The following RPTOR variants were observed in gnomAD, a reference collection of about 807,000 sequenced individuals.
The protein encoded by RPTOR is regulatory associated protein of MTOR complex 1.
Under a neutral mutation model 169.9 loss-of-function variants are expected in RPTOR, and 21 were observed. That is an observed-to-expected ratio of 0.12 (90% CI 0.09 to 0.18). RPTOR has a LOEUF of 0.18. Among genes scored for constraint, RPTOR ranks in the 10% least tolerant of loss-of-function variants. The pLI, the probability that RPTOR is intolerant of heterozygous loss-of-function variation, is 1.00. For synonymous variants in RPTOR, 732 were observed against 753.2 expected (o/e 0.97, Z 0.46); for missense variants, 1,133 against 1,855.9 (o/e 0.61, Z 7.16).
rs376798611 is a variant in RPTOR at position 80,825,166 on chromosome 17, C to A, written c.1136+1943C>A. Reference sequence around the variant, plus strand: ...ACGTGGCGAGGCCAGTATGGGGCAGCCACATCCCACCTCTCCATCTAGAGG... The same window carrying A: ...ACGTGGCGAGGCCAGTATGGGGCAGACACATCCCACCTCTCCATCTAGAGG... On this transcript the variant is annotated intron_variant, in intron 9 of 33. Coordinates refer to ENST00000306801, the MANE Select transcript of RPTOR (RefSeq NM_020761.3). 7.4e-5 allele frequency among the ~76,000 whole-genome samples: 11 copies of A among 149,220 alleles called. 1 individual carries two copies. Among genetic ancestry groups the A allele is most frequent in the East Asian group, 6.0e-4 (3 of 5,040 alleles).
chr17:80,720,594 A>T (rs1216343371), intron 4 of RPTOR, among the ~76,000 whole-genome samples: 1 of 152,210 alleles, frequency 6.6e-6, no homozygotes, highest in Non-Finnish European at 1.5e-5. Flanking sequence ...GAGAGCTTAA[A>T]CTTTAACAAA....
rs748851118 is a variant in RPTOR, at chr17:80,891,726, G to A, written c.1990G>A (p.Val664Met). Residue 664 changes from valine to methionine, a missense_variant, in exon 18 of 34, where the codon GTG becomes ATG. Physicochemically the swap from Val to Met is conservative, Grantham distance 21 (BLOSUM62 1). Around this residue, in one of 9 missense-constraint regions of RPTOR, gnomAD observed 150 missense variants for 206.4 expected, o/e 0.73. Transcript: ENST00000306801. The stretch of plus-strand genomic sequence containing the variant: ...CCCTTCTCCCTCTCGGCAGGAGCTG[G>A]TGGTGGCTCTGAGTCATCTTGTGGT... ...DGSPMVRKELVVALSHLVVQY... is the reference protein window; with the variant it reads ...DGSPMVRKELMVALSHLVVQY... 6.2e-6 allele frequency: 10 copies of A among 1,611,418 alleles called. No individual in the cohort carries two copies. The highest frequency in any genetic ancestry group is 4.4e-5 in the South Asian group (4 of 91,000).
intron 13 of RPTOR, among the ~76,000 whole-genome samples, chr17:80,879,354 C>T (rs1324138385): frequency 6.6e-6 from 1 of 150,580 alleles, no homozygotes; most frequent in East Asian, 2.0e-4. Context: ...GCCACCTGCC[C>T]CCGCCTGCCC....
At chr17:80,851,981 T>C (rs144453487) in intron 11 of RPTOR, among the ~76,000 whole-genome samples, 58 of 152,364 alleles carry the variant, frequency 3.8e-4, no homozygotes, top group African/African-American at 1.2e-3. Flanking sequence ...TTTCTGACGA[T>C]TGCAGCCATG....
intron 9 of RPTOR, among the ~76,000 whole-genome samples, chr17:80,837,467 C>T (rs532551739): frequency 6.6e-6 from 1 of 152,234 alleles, no homozygotes; most frequent in Non-Finnish European, 1.5e-5. Context: ...TGATGAGGCA[C>T]TTTGGGCCTG....
chr17:80,964,040 C>G (rs1349641015), intron 33 of RPTOR, among the ~76,000 whole-genome samples: 1 of 152,196 alleles, frequency 6.6e-6, no homozygotes, highest in Non-Finnish European at 1.5e-5. Context: ...AAAAACCACG[C>G]AGGGCCCGGG....
intron 5 of RPTOR, among the ~76,000 whole-genome samples, chr17:80,742,965 T>A (rs2066499656): frequency 6.6e-6 from 1 of 152,136 alleles, no homozygotes; most frequent in African/African-American, 2.4e-5. Flanking sequence ...CACACAGCTT[T>A]TGGTGCCATG....
At position 80,960,698 on chromosome 17, in the gene RPTOR, A is replaced by T. The variant is rs1327784968; in HGVS notation, c.3605+493A>T. 1 of 174,020 alleles carries T rather than the reference A, an allele frequency of 5.7e-6. No homozygotes were observed. Among genetic ancestry groups the T allele is most frequent in the Non-Finnish European group, 1.2e-5 (1 of 85,438 alleles). 10.8% of individuals were successfully genotyped at this position (174,020 alleles called of 1,614,324 possible). A position where few individuals can be genotyped will look rare whatever the true frequency, so the allele number is the denominator to read the frequency against. ...GGCAGGTGCTGTCCGCGTCTGGCAG[A>T]GGACAGGGTACACGCATGGGCACAG... On this transcript the variant is annotated intron_variant, in intron 30 of 33. Coordinates refer to ENST00000306801, the MANE Select transcript of RPTOR (RefSeq NM_020761.3). The surrounding 1 kb of genome is among the most constrained non-coding windows in gnomAD (Gnocchi z 4.8).
At chr17:80,760,304 T>C (rs866476398) in intron 6 of RPTOR, among the ~76,000 whole-genome samples, 2 of 137,176 alleles carry the variant, frequency 1.5e-5, no homozygotes, top group Non-Finnish European at 1.6e-5. Context: ...TTTTTTCTTT[T>C]TTCTTTTTTT....
chr17:80,800,062 C>T (rs920668235), intron 7 of RPTOR, among the ~76,000 whole-genome samples: 2 of 152,172 alleles, frequency 1.3e-5, no homozygotes, highest in African/African-American at 2.4e-5. Flanking sequence ...GCCCCCTGGC[C>T]GAGAGCCTCA....
intron 13 of RPTOR, among the ~76,000 whole-genome samples, chr17:80,864,266 G>A (rs1179000086): frequency 1.4e-5 from 2 of 145,284 alleles, no homozygotes; most frequent in Non-Finnish European, 3.1e-5. Context: ...AGGAGCAAAG[G>A]TGAGAATGAC....
At chr17:80,814,251 T>TA (rs1396488614) in intron 7 of RPTOR, among the ~76,000 whole-genome samples, 1 of 152,258 alleles carries the variant, frequency 6.6e-6, no homozygotes, top group African/African-American at 2.4e-5. Flanking sequence ...TTTCCTTTAA[T>TA]ACGTAAATTG....
chr17:80,625,830 GTCTGGCCGGC>G (rs753637953), intron 2 of RPTOR, 37 bp downstream of exon 2: 6 of 1,470,662 alleles, frequency 4.1e-6, no homozygotes, highest in Non-Finnish European at 5.7e-6. Context: ...CACAAAGGCC[GTCTGGCCGGC>G]TCTGGCCTGG....
intron 3 of RPTOR, among the ~76,000 whole-genome samples, chr17:80,664,886 A>G (rs985205806): frequency 6.6e-6 from 1 of 152,248 alleles, no homozygotes; most frequent in African/African-American, 2.4e-5. Context: ...TTATATAAAC[A>G]TAATTTATGT....
At chr17:80,734,837 T>C (rs2066421737) in intron 5 of RPTOR, among the ~76,000 whole-genome samples, 1 of 152,160 alleles carries the variant, frequency 6.6e-6, no homozygotes, top group African/African-American at 2.4e-5. Flanking sequence ...GTACTGGACA[T>C]GTACACTTCT....
At chr17:80,584,234 T>C (rs2065040616) in intron 1 of RPTOR, among the ~76,000 whole-genome samples, 1 of 152,140 alleles carries the variant, frequency 6.6e-6, no homozygotes, top group South Asian at 2.1e-4. Flanking sequence ...TTTTAGTTTC[T>C]GTGTGTTGGA....
chr17:80,768,983 G>A lies in RPTOR; in HGVS notation c.830+14798G>A, dbSNP rs186871859. Among the ~76,000 whole-genome samples, 400 of 152,272 alleles carry A rather than the reference G, an allele frequency of 2.6e-3. 4 individuals carry two copies. Among genetic ancestry groups the A allele is most frequent in the Middle Eastern group, 6.8e-3 (2 of 294 alleles). On this transcript the variant is annotated intron_variant, in intron 6 of 33. Coordinates refer to ENST00000306801, the MANE Select transcript of RPTOR (RefSeq NM_020761.3). ...TGTGCTAAACTGGACAGTATATTGCGGAAGCCATTTTCATCCTCATTTTAC... is the reference window on the plus strand; with the variant it reads ...TGTGCTAAACTGGACAGTATATTGCAGAAGCCATTTTCATCCTCATTTTAC...
rs1377130454 is a variant in RPTOR, at chr17:80,966,162, A to T, written c.*1832A>T. 1 of 179,012 alleles carries T rather than the reference A, an allele frequency of 5.6e-6. No homozygotes were observed. The highest frequency in any genetic ancestry group is 2.9e-5 in the African/African-American group (1 of 34,466). The allele number at this position is 179,012 out of a possible 1,614,324, so 11.1% of individuals were successfully genotyped here. A position where few individuals can be genotyped will look rare whatever the true frequency, so the allele number is the denominator to read the frequency against. On this transcript the variant is annotated 3_prime_UTR_variant, in exon 34 of 34. Coordinates refer to ENST00000306801, the MANE Select transcript of RPTOR (RefSeq NM_020761.3). ...CACCCTGGAGCCCACCCCCATGGGC[A>T]CCGCGTGCCGCCTGCACGTGGGCTG...
intron 25 of RPTOR, chr17:80,945,439 A>C: frequency 2.9e-6 from 1 of 344,304 alleles, no homozygotes; most frequent in Non-Finnish European, 5.3e-6. Context: ...AAAAATACAA[A>C]AAATTAGCTG....
Sources: gnomAD v4.1 joint callset for allele counts (sites outside exome capture counted in the v4.1 genomes callset) on GRCh38, gnomAD v4.1.1 for gene constraint, gnomAD v4.1.1 regional missense constraint, Gnocchi (gnomAD v3.1) non-coding constraint, MANE v1.5 for transcripts, NCBI Gene and HGNC (gene_info 2026-07-23, HGNC 2026-07-21) for gene names.